The following GPATCH11 variants were observed in gnomAD, a reference collection of about 807,000 sequenced individuals.
GPATCH11 encodes G patch domain-containing protein 11.
In GPATCH11, 32 loss-of-function variants were observed where a neutral mutation model predicts 44.8. The ratio of observed to expected loss-of-function variants is 0.71; its 90% CI spans 0.54 to 0.96. The LOEUF (loss-of-function observed/expected upper bound fraction) is 0.96, where lower values mean the gene tolerates loss of function less well. Among genes scored for constraint, GPATCH11 ranks in the 40% least tolerant of loss-of-function variants. The pLI, the probability that GPATCH11 is intolerant of heterozygous loss-of-function variation, is 0.00. For missense variants in GPATCH11, 324 were observed against 303.1 expected, an observed-to-expected ratio of 1.07 and a Z score of -0.51; for synonymous variants, 84 against 94.4, an observed-to-expected ratio of 0.89 and a Z score of 0.64.
rs762695019 is a variant in GPATCH11, at chr2:37,091,987, A to G, written c.400A>G (p.Lys134Glu). Residue 134 changes from lysine (K) to glutamate (E), a missense_variant, in exon 5 of 9, where the codon AAG becomes GAG. By Grantham distance (56) the Lys-to-Glu change is moderately conservative. Coordinates refer to ENST00000674370, the MANE Select transcript of GPATCH11 (RefSeq NM_174931.4). The part of the protein sequence containing the change: ...AEEKLESYRK[K>E]IHMKNQAEEK... ...GGAAAAATTGGAAAGCTACAGAAAA[A>G]AGATTCACATGAAAAACCAAGCTGA... 6 of 1,613,488 alleles carry G rather than the reference A, an allele frequency of 3.7e-6. No individual in the cohort carries two copies. Among genetic ancestry groups the G allele is most frequent in the Non-Finnish European group, 4.2e-6 (5 of 1,179,558 alleles).
chr2:37,091,584 T>C (rs75103028), intron 4 of GPATCH11, among the ~76,000 whole-genome samples: 5,247 of 152,252 alleles, frequency 0.034, 126 homozygotes, highest in Non-Finnish European at 0.052. Context: ...CAGATTTATC[T>C]ACCAAATGTT....
At chr2:37,096,178 A>C in intron 8 of GPATCH11, 30 bp from the exon 9 acceptor site, 2 of 1,397,206 alleles carry the variant, frequency 1.4e-6, no homozygotes, top group Non-Finnish European at 2.0e-6. Context: ...AAGTTGTATT[A>C]ATCTTTCATT....
intron 4 of GPATCH11, 38 bp downstream of exon 4, chr2:37,090,760 T>C (rs1319325186): frequency 6.8e-6 from 7 of 1,028,376 alleles, no homozygotes; most frequent in Non-Finnish European, 1.0e-5. Flanking sequence ...CCAATAATAA[T>C]AACTTACGCT....
Position 37,097,675 on chromosome 2 carries a change from A to C in GPATCH11, c.*1412A>C, listed in dbSNP as rs939505974. 11 of 152,270 alleles carry C rather than the reference A, an allele frequency of 7.2e-5. No individual in the cohort carries two copies. The highest frequency in any genetic ancestry group is 1.3e-4 in the Admixed American group (2 of 15,284). The allele number at this position is 152,270 out of a possible 1,614,324, so 9.4% of individuals were successfully genotyped here. A position where few individuals can be genotyped will look rare whatever the true frequency, so the allele number is the denominator to read the frequency against. On this transcript the variant is annotated 3_prime_UTR_variant, in exon 9 of 9. Transcript: ENST00000674370. ...GAAACAGCATACATAAGAAGATTGT[A>C]AAAATTAACCTACACTTGCTAGGGT...
At position 37,098,919 on chromosome 2, in the gene GPATCH11, T is replaced by TTC. The variant is rs1673735823; in HGVS notation, c.*2656_*2657insTC. On this transcript the variant is annotated 3_prime_UTR_variant, in exon 9 of 9. Coordinates refer to ENST00000674370, the MANE Select transcript of GPATCH11 (RefSeq NM_174931.4). ...AAAAAAATCAGACTTTCAATATGAG[T>TTC]AACAAGTTATTTTTAGGCCTTTTAT... 6.6e-6 allele frequency: 1 copy of TTC among 152,136 alleles called. No individual in the cohort carries two copies. Among genetic ancestry groups the TTC allele is most frequent in the South Asian group, 2.1e-4 (1 of 4,838 alleles). 9.4% of individuals were successfully genotyped at this position (152,136 alleles called of 1,614,324 possible). A position where few individuals can be genotyped will look rare whatever the true frequency, so the allele number is the denominator to read the frequency against.
chr2:37,087,501 T>C lies in GPATCH11; in HGVS notation c.-13-868T>C, dbSNP rs531435499. On this transcript the variant is annotated intron_variant, in intron 1 of 8. Transcript: ENST00000674370. The stretch of plus-strand genomic sequence containing the variant: ...GTGCAATTTGTATACACAATAAAGT[T>C]TGAGAAGTACTTTTGTAGAAAATTA... Among the ~76,000 whole-genome samples the C allele has an allele frequency of 5.9e-5, 9 of 152,312 alleles. No individual in the cohort carries two copies. In the East Asian group the frequency reaches 1.5e-3, roughly 26 times the overall value.
intron 3 of GPATCH11, among the ~76,000 whole-genome samples, chr2:37,090,077 C>T (rs1259555180): frequency 6.6e-6 from 1 of 152,250 alleles, no homozygotes; most frequent in Non-Finnish European, 1.5e-5. Flanking sequence ...AGCTGCTTAT[C>T]AGCCCAGCTT....
rs757637859 is a variant in GPATCH11 at position 37,094,223 on chromosome 2, GGT to G, written c.654+31_654+32del. The G allele has an allele frequency of 2.2e-6, 3 of 1,383,354 alleles. No homozygotes were observed. In the African/African-American group the frequency reaches 4.3e-5, roughly 20 times the overall value. The allele number at this position is 1,383,354 out of a possible 1,614,324, so 85.7% of individuals were successfully genotyped here. A position where few individuals can be genotyped will look rare whatever the true frequency, so the allele number is the denominator to read the frequency against. ...ATGCTTTGCACCATTTCCTTCATAG[GGT>G]GTCTCAGCCTTGGCAACATTAGCAC... is the stretch of plus-strand genomic sequence containing the variant. On this transcript the variant is annotated intron_variant, in intron 7 of 8. Transcript: ENST00000674370.
At chr2:37,086,469 C>T (rs1337441522) in intron 1 of GPATCH11, among the ~76,000 whole-genome samples, 1 of 152,130 alleles carries the variant, frequency 6.6e-6, no homozygotes, top group Non-Finnish European at 1.5e-5. Flanking sequence ...ACAAGATATA[C>T]ATTATCTAGT....
At chr2:37,089,291 G>C (rs1199271630) in intron 2 of GPATCH11, among the ~76,000 whole-genome samples, 6 of 152,166 alleles carry the variant, frequency 3.9e-5, no homozygotes, top group Non-Finnish European at 7.3e-5. Context: ...ACTTGGCCAG[G>C]CGTGGAAGCT....
Position 37,088,374 on chromosome 2 carries a change from A to G in GPATCH11, c.-8A>G. The G allele has an allele frequency of 2.0e-6, 3 of 1,493,280 alleles. No individual in the cohort carries two copies. Among genetic ancestry groups the G allele is most frequent in the African/African-American group, 1.4e-5 (1 of 71,876 alleles). The allele number at this position is 1,493,280 out of a possible 1,614,324, so 92.5% of individuals were successfully genotyped here. A position where few individuals can be genotyped will look rare whatever the true frequency, so the allele number is the denominator to read the frequency against. Reference sequence around the variant, plus strand: ...AATTATTACTTTATTTGTAGATACTATAGCCATATGAAGTTGAACATGGCA... The same window carrying G: ...AATTATTACTTTATTTGTAGATACTGTAGCCATATGAAGTTGAACATGGCA... On this transcript the variant is annotated 5_prime_UTR_variant, in exon 2 of 9. Transcript: ENST00000674370.
At chr2:37,089,574 T>TAAA (rs371385606) in intron 2 of GPATCH11, 66 bp from the exon 3 acceptor site, 107 of 960,444 alleles carry the variant, frequency 1.1e-4, no homozygotes, top group Middle Eastern at 2.6e-4. Context: ...TCTCAAAAAA[T>TAAA]AAAAAAAAAA....
chr2:37,094,230 C>A, intron 7 of GPATCH11, 35 bp downstream of exon 7: 2 of 1,303,188 alleles, frequency 1.5e-6, no homozygotes, highest in South Asian at 1.3e-5. Context: ...TAGGGTGTCT[C>A]AGCCTTGGCA....
At chr2:37,084,764 G>A (rs1672896086) in intron 1 of GPATCH11, among the ~76,000 whole-genome samples, 194 bp downstream of exon 1, 1 of 152,162 alleles carries the variant, frequency 6.6e-6, no homozygotes, top group Non-Finnish European at 1.5e-5. Flanking sequence ...TATTGAGAGT[G>A]GGACGTTTCT....
rs146378752 is a variant in GPATCH11 at position 37,096,241 on chromosome 2, C to T, written c.770C>T (p.Pro257Leu). 71 of 1,587,736 alleles carry T rather than the reference C, an allele frequency of 4.5e-5. No individual in the cohort carries two copies. The highest frequency in any genetic ancestry group is 6.1e-5 in the Non-Finnish European group (71 of 1,165,184). The change falls in exon 9 of 9, where the codon CCA becomes CTA. Residue 257 changes from proline to leucine, a missense_variant. Coordinates refer to ENST00000674370, the MANE Select transcript of GPATCH11 (RefSeq NM_174931.4). Reference protein sequence around the residue: ...KEDLSSNCPGPTSADHD With the variant: ...KEDLSSNCPGLTSADHD ...GACCTATCTTCAAATTGTCCAGGAC[C>T]AACTTCTGCAGATCATGACTAAGAT...
At chr2:37,095,963 C>T (rs984535459) in intron 8 of GPATCH11, among the ~76,000 whole-genome samples, 1 of 151,964 alleles carries the variant, frequency 6.6e-6, no homozygotes, top group Admixed American at 6.6e-5. Context: ...TTACACTTAC[C>T]AGGTGTCTTA....
chr2:37,095,536 T>C lies in GPATCH11; in HGVS notation c.736+18T>C, dbSNP rs762243074. 48 of 1,563,984 alleles carry C rather than the reference T, an allele frequency of 3.1e-5. No individual in the cohort carries two copies. The highest frequency in any genetic ancestry group is 3.7e-5 in the Non-Finnish European group (43 of 1,161,344). On this transcript the variant is annotated intron_variant, in intron 8 of 8. Transcript: ENST00000674370. ...CTATGAAGGTAAGAAAATTACTTTA[T>C]GCTTTTTAAAAATAGATGAATGCTC...
intron 7 of GPATCH11, among the ~76,000 whole-genome samples, chr2:37,095,072 C>T (rs932904101): frequency 6.6e-6 from 1 of 152,062 alleles, no homozygotes; most frequent in African/African-American, 2.4e-5. Flanking sequence ...AATTGGGAGA[C>T]CATTGATGAG....
intron 3 of GPATCH11, among the ~76,000 whole-genome samples, chr2:37,090,172 A>G (rs1376430873): frequency 6.6e-6 from 1 of 152,232 alleles, no homozygotes; most frequent in Non-Finnish European, 1.5e-5. Context: ...TGAGAAGTGC[A>G]ATGGCTAAAT....
Sources: allele counts gnomAD v4.1 joint callset (sites outside exome capture counted in the v4.1 genomes callset), GRCh38; gene constraint gnomAD v4.1.1; transcripts MANE v1.5; gene names NCBI Gene and HGNC (gene_info 2026-07-23, HGNC 2026-07-21).